Variants in RBPMS observed in about 807,000 individuals in gnomAD.
The protein encoded by RBPMS is RNA-binding protein with multiple splicing.
RBPMS carries 7 observed loss-of-function variants against 26.8 expected under a neutral mutation model. The observed-to-expected ratio is 0.26, with a 90% CI of 0.15 to 0.49. The LOEUF (loss-of-function observed/expected upper bound fraction) is 0.49. Among genes scored for constraint, RBPMS ranks in the 20% least tolerant of loss-of-function variants. RBPMS has a pLI of 0.98. For synonymous variants in RBPMS, 96 were observed against 93.3 expected (o/e 1.03, Z -0.17); for missense variants, 186 against 250.0 (o/e 0.74, Z 1.73).
At chr8:30,553,978 A>G (rs1007793946) in intron 6 of RBPMS, among the ~76,000 whole-genome samples, 1 of 152,086 alleles carries the variant, frequency 6.6e-6, no homozygotes, top group Non-Finnish European at 1.5e-5. Flanking sequence ...GGGTTTCACC[A>G]TAATAGCCAG....
At chr8:30,488,093 G>C (rs998601985) in intron 4 of RBPMS, among the ~76,000 whole-genome samples, 5 of 151,952 alleles carry the variant, frequency 3.3e-5, no homozygotes, top group Non-Finnish European at 5.9e-5. Flanking sequence ...CTTGTATTTT[G>C]AATTTTTAAA....
intron 1 of RBPMS, among the ~76,000 whole-genome samples, chr8:30,459,232 G>T (rs1000398871): frequency 6.6e-6 from 1 of 151,906 alleles, no homozygotes; most frequent in African/African-American, 2.4e-5. Context: ...AAAGTGCTTG[G>T]ATTACAGGCA....
At chr8:30,499,141 A>G (rs1820293411) in intron 4 of RBPMS, among the ~76,000 whole-genome samples, 1 of 152,130 alleles carries the variant, frequency 6.6e-6, no homozygotes, top group Non-Finnish European at 1.5e-5. Flanking sequence ...AGGAGCAATG[A>G]AGGCAATCCC....
chr8:30,467,670 T>C (rs772347437), intron 1 of RBPMS, among the ~76,000 whole-genome samples: 5 of 152,216 alleles, frequency 3.3e-5, no homozygotes, highest in Non-Finnish European at 2.9e-5. Context: ...AAAGAAACAC[T>C]GACTTTTGGT....
intron 7 of RBPMS, among the ~76,000 whole-genome samples, chr8:30,561,103 A>C (rs1013030400): frequency 6.6e-6 from 1 of 152,166 alleles, no homozygotes; most frequent in African/African-American, 2.4e-5. Context: ...TTCATGATAG[A>C]TAAAATGTTC....
At chr8:30,431,659 T>C (rs767299003) in intron 1 of RBPMS, among the ~76,000 whole-genome samples, 3 of 152,034 alleles carry the variant, frequency 2.0e-5, no homozygotes, top group Non-Finnish European at 2.9e-5. Context: ...CCGTGTTGGC[T>C]AGGCTGGTCT....
intron 4 of RBPMS, among the ~76,000 whole-genome samples, chr8:30,484,127 A>T (rs1001494173): frequency 6.6e-6 from 1 of 152,118 alleles, no homozygotes; most frequent in Non-Finnish European, 1.5e-5. Flanking sequence ...TCATGTGGTG[A>T]TCATATGTTA....
chr8:30,491,712 TCAAAGTA>T (rs1445937700), intron 4 of RBPMS, among the ~76,000 whole-genome samples: 3 of 152,088 alleles, frequency 2.0e-5, no homozygotes, highest in Non-Finnish European at 4.4e-5. Context: ...TAATAAAAGC[TCAAAGTA>T]AACTTTGCAG....
chr8:30,461,951 A>G (rs62502006), intron 1 of RBPMS, among the ~76,000 whole-genome samples: 32,636 of 152,160 alleles, frequency 0.21, 3,846 homozygotes, highest in Middle Eastern at 0.33. Context: ...GCCTTATGTA[A>G]TCTTTAGAGA....
intron 6 of RBPMS, among the ~76,000 whole-genome samples, chr8:30,549,772 T>TTTTCTTTTCTTCTC (rs1182285469): frequency 1.4e-5 from 1 of 71,214 alleles, no homozygotes; most frequent in Non-Finnish European, 2.5e-5. Context: ...TTTTCTTTTC[T>TTTTCTTTTCTTCTC]TCTCTCTCTC....
intron 6 of RBPMS, chr8:30,556,948 A>G (rs1826983994): frequency 4.6e-6 from 1 of 215,264 alleles, no homozygotes; most frequent in Non-Finnish European, 7.7e-6. Flanking sequence ...TTCCCAGAGG[A>G]GTGTTTTCTA....
At chr8:30,525,505 A>G (rs1208220149) in intron 5 of RBPMS, among the ~76,000 whole-genome samples, 1 of 152,204 alleles carries the variant, frequency 6.6e-6, no homozygotes, top group African/African-American at 2.4e-5. Flanking sequence ...TATCCTTTCA[A>G]AGTTCACTGG....
intron 5 of RBPMS, among the ~76,000 whole-genome samples, chr8:30,508,465 G>A (rs769366371): frequency 4.6e-5 from 7 of 152,096 alleles, no homozygotes; most frequent in Non-Finnish European, 7.4e-5. Flanking sequence ...GCTACACAGC[G>A]GCAATAATTA....
chr8:30,540,730 A>G (rs1825300785), intron 5 of RBPMS, among the ~76,000 whole-genome samples: 1 of 152,166 alleles, frequency 6.6e-6, no homozygotes, highest in Non-Finnish European at 1.5e-5. Flanking sequence ...CACGCAGCCA[A>G]ACTGTGTATT....
intron 1 of RBPMS, among the ~76,000 whole-genome samples, chr8:30,467,477 A>G (rs1288552906): frequency 2.6e-5 from 4 of 152,160 alleles, no homozygotes; most frequent in African/African-American, 7.2e-5. Flanking sequence ...CCAAGTTTAT[A>G]TTACATGGTC....
intron 1 of RBPMS, among the ~76,000 whole-genome samples, chr8:30,436,292 A>AC: frequency 6.6e-6 from 1 of 152,092 alleles, no homozygotes; most frequent in Non-Finnish European, 1.5e-5. Context: ...GGACAGTTCC[A>AC]ATGGTTGCAC....
intron 6 of RBPMS, among the ~76,000 whole-genome samples, chr8:30,550,158 C>T (rs1481563208): frequency 6.6e-6 from 1 of 152,214 alleles, no homozygotes; most frequent in Non-Finnish European, 1.5e-5. Flanking sequence ...TGCCTGCCTC[C>T]TGATGCAGGG....
intron 1 of RBPMS, among the ~76,000 whole-genome samples, chr8:30,412,065 T>C (rs1235487198): frequency 6.6e-6 from 1 of 152,226 alleles, no homozygotes; most frequent in East Asian, 1.9e-4. Flanking sequence ...GGCAAGTGTT[T>C]GTTCAGTTAC....
chr8:30,464,282 C>G (rs754836745), intron 1 of RBPMS, among the ~76,000 whole-genome samples: 13 of 152,132 alleles, frequency 8.5e-5, no homozygotes, highest in Admixed American at 2.0e-4. Context: ...CTGATCACCT[C>G]CTGCCAAGTA....
Sources: allele counts gnomAD v4.1 joint callset (sites outside exome capture counted in the v4.1 genomes callset), GRCh38; gene constraint gnomAD v4.1.1; transcripts MANE v1.5; gene names NCBI Gene and HGNC (gene_info 2026-07-23, HGNC 2026-07-21).